The following COL9A1 variants were observed in gnomAD, a reference collection of about 807,000 sequenced individuals.
The protein encoded by COL9A1 is collagen type IX alpha 1 chain.
Under a neutral mutation model 142.6 loss-of-function variants are expected in COL9A1, and 104 were observed. The ratio of observed to expected loss-of-function variants is 0.73; its 90% CI spans 0.62 to 0.86. The LOEUF (loss-of-function observed/expected upper bound fraction) is 0.86, where lower values mean the gene tolerates loss of function less well. COL9A1 is among the 40% of genes least tolerant of loss of function. COL9A1 has a pLI of 0.00. For synonymous variants in COL9A1, 466 were observed against 396.0 expected (o/e 1.18, Z -2.10); for missense variants, 1,210 against 1,176.6 (o/e 1.03, Z -0.42).
chr6:70,222,935 T>G (rs1562285157), intron 37 of COL9A1: 1 of 152,174 alleles, frequency 6.6e-6, no homozygotes, highest in African/African-American at 2.4e-5. Flanking sequence ...ATTAATATTA[T>G]GTTTTTGAGA....
intron 10 of COL9A1, chr6:70,280,053 A>G (rs1164462142): frequency 2.9e-6 from 2 of 692,036 alleles, no homozygotes; most frequent in South Asian, 1.6e-5. Context: ...AATGCATGGA[A>G]AGAGGAGAAG....
intron 14 of COL9A1, among the ~76,000 whole-genome samples, chr6:70,270,646 C>T (rs1386044079): frequency 6.6e-6 from 1 of 152,208 alleles, no homozygotes; most frequent in Non-Finnish European, 1.5e-5. Context: ...AACATTTTAT[C>T]TACTCTGAAA....
chr6:70,224,792 T>C (rs991777804), intron 37 of COL9A1, among the ~76,000 whole-genome samples: 1 of 152,198 alleles, frequency 6.6e-6, no homozygotes, highest in Non-Finnish European at 1.5e-5. Flanking sequence ...TCATAAATCT[T>C]CCATTTCCAA....
At chr6:70,259,280 A>G (rs1185398902) in intron 20 of COL9A1, among the ~76,000 whole-genome samples, 1 of 152,230 alleles carries the variant, frequency 6.6e-6, no homozygotes, top group Non-Finnish European at 1.5e-5. Flanking sequence ...AACTGTTAAT[A>G]AAAGGCTCTG....
chr6:70,240,225 C>T (rs1248895009), intron 32 of COL9A1, among the ~76,000 whole-genome samples: 1 of 152,192 alleles, frequency 6.6e-6, no homozygotes, highest in Admixed American at 6.5e-5. Flanking sequence ...GTCACTTTTT[C>T]GGAGGGTTTT....
chr6:70,244,559 T>C (rs760485733), intron 28 of COL9A1, among the ~76,000 whole-genome samples: 3 of 152,186 alleles, frequency 2.0e-5, no homozygotes, highest in Non-Finnish European at 2.9e-5. Flanking sequence ...TAATAGTAAT[T>C]GGTGGGGAAA....
At chr6:70,234,698 A>T in intron 34 of COL9A1, 96 bp downstream of exon 34, 1 of 1,605,460 alleles carries the variant, frequency 6.2e-7, no homozygotes, top group Admixed American at 1.7e-5. Context: ...GGCTGGATTT[A>T]CAAGAGAACT....
At chr6:70,244,651 T>C (rs1770477700) in intron 28 of COL9A1, among the ~76,000 whole-genome samples, 1 of 152,214 alleles carries the variant, frequency 6.6e-6, no homozygotes, top group Non-Finnish European at 1.5e-5. Context: ...TTATGCTATC[T>C]TATCCAAAAT....
At chr6:70,274,803 A>C (rs371925488) in intron 10 of COL9A1, 31 bp from the exon 11 acceptor site, 80 of 1,566,792 alleles carry the variant, frequency 5.1e-5, no homozygotes, top group Middle Eastern at 3.3e-4. Context: ...TGTTAGAACT[A>C]TCATAACATC....
chr6:70,216,210 T>G lies in COL9A1; in HGVS notation c.*687A>C, dbSNP rs937919022. On this transcript the variant is annotated 3_prime_UTR_variant, in exon 38 of 38. Transcript: ENST00000357250. ...AAATAAATAATCTCATCAATAAAATTTATGAATGCCAGAGTATTAAAATTA... is the reference window on the plus strand; with the variant it reads ...AAATAAATAATCTCATCAATAAAATGTATGAATGCCAGAGTATTAAAATTA... The G allele has an allele frequency of 3.3e-5, 5 of 152,644 alleles. No individual in the cohort carries two copies. Among genetic ancestry groups the G allele is most frequent in the Non-Finnish European group, 7.3e-5 (5 of 68,050 alleles). 9.5% of individuals were successfully genotyped at this position (152,644 alleles called of 1,614,324 possible). A position where few individuals can be genotyped will look rare whatever the true frequency, so the allele number is the denominator to read the frequency against.
At chr6:70,234,763 A>G in intron 34 of COL9A1, 31 bp downstream of exon 34, 11 of 1,613,986 alleles carry the variant, frequency 6.8e-6, no homozygotes, top group Non-Finnish European at 9.3e-6. Flanking sequence ...GAGTCTCCAA[A>G]GGGAAACCAC....
At chr6:70,288,942 C>T (rs184278525) in intron 5 of COL9A1, among the ~76,000 whole-genome samples, 122 of 152,172 alleles carry the variant, frequency 8.0e-4, no homozygotes, top group Non-Finnish European at 1.5e-3. Context: ...TTCACCACCA[C>T]CTAAAATAAG....
intron 36 of COL9A1, 66 bp downstream of exon 36, chr6:70,232,517 C>T (rs867488468): frequency 9.7e-6 from 15 of 1,547,654 alleles, no homozygotes; most frequent in Middle Eastern, 4.6e-4. Context: ...ATTCCTCGAG[C>T]TTGATACAGA....
At chr6:70,250,605 C>A (rs1488499861) in intron 28 of COL9A1, among the ~76,000 whole-genome samples, 2 of 152,198 alleles carry the variant, frequency 1.3e-5, no homozygotes, top group African/African-American at 4.8e-5. Context: ...TCTCATGGCA[C>A]AAGACACCTG....
chr6:70,258,530 A>G (rs1345993872), intron 20 of COL9A1: 2 of 152,238 alleles, frequency 1.3e-5, no homozygotes, highest in Admixed American at 1.3e-4. Flanking sequence ...GACAGAGCAA[A>G]AAGCATTCTA....
At chr6:70,276,674 G>C (rs1772784970) in intron 10 of COL9A1, among the ~76,000 whole-genome samples, 1 of 152,176 alleles carries the variant, frequency 6.6e-6, no homozygotes, top group Non-Finnish European at 1.5e-5. Flanking sequence ...AGAGTCATAT[G>C]TCCATTACAG....
At position 70,241,417 on chromosome 6, in the gene COL9A1, A is replaced by G; in HGVS notation, c.2034+2T>C. 2 of 1,608,962 alleles carry G rather than the reference A, an allele frequency of 1.2e-6. No homozygotes were observed. Among genetic ancestry groups the G allele is most frequent in the East Asian group, 4.5e-5 (2 of 44,864 alleles). On this transcript the variant is annotated splice_donor_variant, in intron 31 of 37. Transcript: ENST00000357250. LOFTEE classifies it high-confidence loss of function. ...TTATACCAATTAAATAATAAGACTG[A>G]CCTGTTCACCCTTTGGACCCGGTTC...
In COL9A1 at chr6:70,300,075, C is replaced by G; in HGVS notation, c.267G>C (p.Leu89Phe). 1 of 1,613,882 alleles carries G rather than the reference C, an allele frequency of 6.2e-7. No homozygotes were observed. Among genetic ancestry groups the G allele is most frequent in the Non-Finnish European group, 8.5e-7 (1 of 1,179,894 alleles). Residue 89 changes from leucine (L) to phenylalanine (F), a missense_variant, in exon 4 of 38, where the codon TTG becomes TTC. Physicochemically the swap from Leu to Phe is conservative, Grantham distance 22. Coordinates refer to ENST00000357250, the MANE Select transcript of COL9A1 (RefSeq NM_001851.6). Reference sequence around the variant, plus strand: ...GAATCCTGAAGTCTACATTATTTCCCAACTTGTAAGCCACCTGCAATGTAG... The same window carrying G: ...GAATCCTGAAGTCTACATTATTTCCGAACTTGTAAGCCACCTGCAATGTAG... ...GSATLQVAYKLGNNVDFRIPT... is the reference protein window; with the variant it reads ...GSATLQVAYKFGNNVDFRIPT...
At chr6:70,244,523 C>G (rs1307378665) in intron 28 of COL9A1, among the ~76,000 whole-genome samples, 1 of 152,174 alleles carries the variant, frequency 6.6e-6, no homozygotes, top group Non-Finnish European at 1.5e-5. Flanking sequence ...TCACTGGGCT[C>G]ACGTGACTTT....
Sources: allele counts gnomAD v4.1 joint callset (sites outside exome capture counted in the v4.1 genomes callset), GRCh38; gene constraint gnomAD v4.1.1; transcripts MANE v1.5; gene names NCBI Gene and HGNC (gene_info 2026-07-23, HGNC 2026-07-21).